The following CEP126 variants were observed in gnomAD, a reference collection of about 807,000 sequenced individuals.
CEP126 encodes the protein centrosomal protein of 126 kDa.
CEP126 carries 74 observed loss-of-function variants against 107.8 expected under a neutral mutation model. The ratio of observed to expected loss-of-function variants is 0.69; its 90% CI spans 0.57 to 0.83. The LOEUF (loss-of-function observed/expected upper bound fraction) is 0.83, where lower values mean the gene tolerates loss of function less well. Ranked by LOEUF, CEP126 falls within the 40% of genes least tolerant of loss-of-function variation. The pLI is 0.00. For synonymous variants in CEP126, 449 were observed against 446.0 expected (o/e 1.01, Z -0.08); for missense variants, 1,237 against 1,281.9 (o/e 0.96, Z 0.53).
intron 2 of CEP126, among the ~76,000 whole-genome samples, chr11:101,926,493 A>T (rs1234279289): frequency 6.6e-6 from 1 of 152,250 alleles, no homozygotes; most frequent in Non-Finnish European, 1.5e-5. Flanking sequence ...CTGTTGAAGG[A>T]ATAAAATCAG....
chr11:101,917,887 A>G (rs952444126), intron 1 of CEP126, among the ~76,000 whole-genome samples: 4 of 152,216 alleles, frequency 2.6e-5, no homozygotes, highest in African/African-American at 9.6e-5. Flanking sequence ...GAAAAATCAC[A>G]AAACAATACA....
intron 2 of CEP126, among the ~76,000 whole-genome samples, chr11:101,937,849 C>G (rs1024351931): frequency 6.6e-6 from 1 of 151,908 alleles, no homozygotes; most frequent in Non-Finnish European, 1.5e-5. Context: ...AAAGTAGTTT[C>G]TTTTAAGAAA....
intron 2 of CEP126, among the ~76,000 whole-genome samples, chr11:101,929,974 CTT>C (rs60650996): frequency 5.1e-4 from 60 of 118,574 alleles, no homozygotes; most frequent in Middle Eastern, 4.5e-3. Context: ...TTAGTTAGGA[CTT>C]TTTTTTTTTT....
chr11:101,915,504 G>T (rs930555935), intron 1 of CEP126, 92 bp downstream of exon 1: 1 of 1,487,438 alleles, frequency 6.7e-7, no homozygotes, highest in Non-Finnish European at 9.1e-7. Context: ...TTGACGCAGG[G>T]TGATCAAAAC....
chr11:101,939,592 T>G (rs565125794), intron 2 of CEP126, among the ~76,000 whole-genome samples: 36 of 152,334 alleles, frequency 2.4e-4, no homozygotes, highest in African/African-American at 8.2e-4. Context: ...ATAATTTAGT[T>G]TACCATGATT....
intron 3 of CEP126, among the ~76,000 whole-genome samples, chr11:101,945,085 T>C (rs1208293707): frequency 1.3e-5 from 2 of 152,132 alleles, no homozygotes; most frequent in East Asian, 3.9e-4. Context: ...CAACCTGTTT[T>C]GGAGATGAGA....
In CEP126 at chr11:101,915,388, G is replaced by A. The variant is rs1940183981; in HGVS notation, c.104G>A (p.Gly35Glu). Residue 35 changes from glycine (G) to glutamate (E), a missense_variant, in exon 1 of 11, where the codon GGG becomes GAG. Gly to Glu is a moderately conservative substitution (Grantham distance 98, BLOSUM62 -2). This residue lies in a region of CEP126 where 1,134 missense variants were observed against 1,150.5 expected (regional missense o/e 0.99). Transcript: ENST00000263468. ...RAPLGPRESG[G>E]HHRPGSYLDM... ...CCCCTCGGCCCTCGGGAGAGCGGCG[G>A]GCATCACCGACCTGGCTCTTACCTG... is the stretch of plus-strand genomic sequence containing the variant. 5 of 1,613,382 alleles carry A rather than the reference G, an allele frequency of 3.1e-6. No homozygotes were observed. The highest frequency in any genetic ancestry group is 3.4e-6 in the Non-Finnish European group (4 of 1,179,862).
intron 2 of CEP126, among the ~76,000 whole-genome samples, chr11:101,931,275 C>G (rs1001899913): frequency 2.6e-5 from 4 of 151,950 alleles, no homozygotes; most frequent in Non-Finnish European, 5.9e-5. Context: ...GTGTTTTGCC[C>G]TGTGATAGTG....
chr11:101,959,643 C>T (rs1486520655), intron 5 of CEP126, among the ~76,000 whole-genome samples: 2 of 152,006 alleles, frequency 1.3e-5, no homozygotes, highest in Non-Finnish European at 2.9e-5. Flanking sequence ...GGAATTTTAA[C>T]GTATTTTTAC....
chr11:101,929,787 AT>A (rs1393289320), intron 2 of CEP126, among the ~76,000 whole-genome samples: 1 of 152,122 alleles, frequency 6.6e-6, no homozygotes, highest in Non-Finnish European at 1.5e-5. Flanking sequence ...TTGAGGGCAC[AT>A]TGTTACAAGG....
intron 5 of CEP126, among the ~76,000 whole-genome samples, chr11:101,958,965 AAAC>A (rs1379369773): frequency 6.6e-6 from 1 of 152,184 alleles, no homozygotes; most frequent in East Asian, 1.9e-4. Flanking sequence ...AAAATAAATA[AAAC>A]AACTGCTTGT....
Position 101,969,605 on chromosome 11 carries a change from A to ATTT in CEP126, c.2845+5728_2845+5730dup, listed in dbSNP as rs1170755634. On this transcript the variant is annotated intron_variant, in intron 6 of 10. Transcript: ENST00000263468. ...TAATCTCTATCAAAGTTCCAATAGGATTTTTGTGAAAATTGAGAAACTGAG... is the reference window on the plus strand; with the variant it reads ...TAATCTCTATCAAAGTTCCAATAGGATTTTTTTTGTGAAAATTGAGAAACTGAG... Among the ~76,000 whole-genome samples, 8 of 152,350 alleles carry ATTT rather than the reference A, an allele frequency of 5.3e-5. No individual in the cohort carries two copies. In the South Asian group the frequency reaches 1.7e-3, roughly 32 times the overall value.
intron 4 of CEP126, among the ~76,000 whole-genome samples, chr11:101,957,152 C>G (rs150801735): frequency 1.5e-4 from 23 of 152,188 alleles, no homozygotes; most frequent in African/African-American, 5.5e-4. Context: ...ATCTAGTAAT[C>G]ATTGACCTTG....
intron 2 of CEP126, among the ~76,000 whole-genome samples, chr11:101,939,673 T>C (rs1413492096): frequency 6.6e-6 from 1 of 152,238 alleles, no homozygotes; most frequent in Admixed American, 6.5e-5. Flanking sequence ...CAAATAACTT[T>C]TGTTTCCTTG....
intron 4 of CEP126, chr11:101,955,650 C>A: frequency 3.0e-6 from 1 of 338,518 alleles, no homozygotes; most frequent in Non-Finnish European, 5.9e-6. Context: ...ACTGGTTGAT[C>A]AAAGGATGAT....
Position 101,961,999 on chromosome 11 carries a change from CAG to C in CEP126, c.966_967del (p.Asn323CysfsTer10). The stretch of plus-strand genomic sequence containing the variant: ...TACAAATTTAGATGCTTCAAATACT[CAG>C]AATGTCACAGCTTTCTCAGATATTT... ...WLTNLDASNT[Q>X]NVTAFSDILS... is the part of the protein sequence containing the mutation. On this transcript the variant is annotated frameshift_variant, in exon 6 of 11. Transcript: ENST00000263468. LOFTEE classifies it high-confidence loss of function. 6.2e-7 allele frequency: 1 copy of C among 1,612,574 alleles called. No homozygotes were observed. The highest frequency in any genetic ancestry group is 8.5e-7 in the Non-Finnish European group (1 of 1,179,264).
intron 4 of CEP126, among the ~76,000 whole-genome samples, chr11:101,949,401 A>G (rs530460454): frequency 6.6e-6 from 1 of 152,332 alleles, no homozygotes; most frequent in African/African-American, 2.4e-5. Context: ...GGATATTTCA[A>G]TAAATGTAGA....
intron 6 of CEP126, among the ~76,000 whole-genome samples, chr11:101,976,209 G>T (rs541981869): frequency 1.4e-4 from 21 of 152,284 alleles, no homozygotes; most frequent in African/African-American, 4.6e-4. Context: ...CAGCATTTAA[G>T]TATTCCCTTT....
chr11:102,001,003 A>C lies in CEP126; in HGVS notation c.*3360A>C, dbSNP rs1195125930. 1 of 152,208 alleles carries C rather than the reference A, an allele frequency of 6.6e-6. No homozygotes were observed. The highest frequency in any genetic ancestry group is 1.9e-4 in the East Asian group (1 of 5,194). 9.4% of individuals were successfully genotyped at this position (152,208 alleles called of 1,614,324 possible). On this transcript the variant is annotated 3_prime_UTR_variant, in exon 11 of 11. Coordinates refer to ENST00000263468, the MANE Select transcript of CEP126 (RefSeq NM_020802.4). Reference sequence around the variant, plus strand: ...ATTTTGATAGATATTACATGGACTAAATTTTGTCAATTTCATGTAATTTAC... The same window carrying C: ...ATTTTGATAGATATTACATGGACTACATTTTGTCAATTTCATGTAATTTAC...
Sources: gnomAD v4.1 joint callset for allele counts (sites outside exome capture counted in the v4.1 genomes callset) on GRCh38, gnomAD v4.1.1 for gene constraint, gnomAD v4.1.1 regional missense constraint, MANE v1.5 for transcripts, NCBI Gene and HGNC (gene_info 2026-07-23, HGNC 2026-07-21) for gene names.